MGAT4D: variants seen among roughly 807,000 people sequenced by gnomAD.
The protein encoded by MGAT4D is MGAT4 family member D.
In MGAT4D, 34 loss-of-function variants were observed where a neutral mutation model predicts 15.9. That is an observed-to-expected ratio of 2.14 (90% CI 1.62 to 2.84). The LOEUF is 2.84. Among genes scored for constraint, MGAT4D ranks in the 30% most tolerant of loss-of-function variants. The pLI is 0.00. For synonymous variants in MGAT4D, 112 were observed against 48.2 expected (o/e 2.33, Z -5.49); for missense variants, 327 against 140.2 (o/e 2.33, Z -6.73).
chr4:140,460,238 T>C (rs1011569448), intron 7 of MGAT4D, among the ~76,000 whole-genome samples: 1 of 152,246 alleles, frequency 6.6e-6, no homozygotes, highest in Non-Finnish European at 1.5e-5. Context: ...CCATTTGAGC[T>C]GTTATAACAA....
chr4:140,491,879 C>A (rs1380065809), intron 1 of MGAT4D, among the ~76,000 whole-genome samples: 1 of 151,908 alleles, frequency 6.6e-6, no homozygotes, highest in Non-Finnish European at 1.5e-5. Context: ...CACCCTAGTA[C>A]CACAAGGGAA....
In MGAT4D at chr4:140,451,461, GA is replaced by G; in HGVS notation, c.1064del (p.Phe355SerfsTer24). 1 of 631,766 alleles carries G rather than the reference GA, an allele frequency of 1.6e-6. No individual in the cohort carries two copies. The highest frequency in any genetic ancestry group is 2.9e-6 in the Non-Finnish European group (1 of 345,520). The allele number at this position is 631,766 out of a possible 1,614,324, so 39.1% of individuals were successfully genotyped here. On this transcript the variant is annotated frameshift_variant, in exon 10 of 11. Coordinates refer to ENST00000511113, the MANE Select transcript of MGAT4D (RefSeq NM_001277353.2). LOFTEE classifies it high-confidence loss of function. ...QIRIQYKPSL[F>X]QHVGIHSSFP... is the part of the protein sequence containing the mutation. Reference sequence around the variant, plus strand: ...ATGATGAATGTATACCCACATGCTGGAAAAGAGAAGGTTTATACTGAATACG... The same window carrying G: ...ATGATGAATGTATACCCACATGCTGGAAAGAGAAGGTTTATACTGAATACG...
chr4:140,457,014 A>G (rs569211626), intron 8 of MGAT4D: 3 of 166,010 alleles, frequency 1.8e-5, no homozygotes, highest in African/African-American at 4.7e-5. Context: ...AGACAAGTGA[A>G]TAGAATGAAA....
chr4:140,480,618 T>C (rs887570160), intron 2 of MGAT4D, among the ~76,000 whole-genome samples: 6 of 152,100 alleles, frequency 3.9e-5, no homozygotes, highest in Non-Finnish European at 5.9e-5. Context: ...CAGGATAATA[T>C]GTAGAACTCT....
At chr4:140,479,771 T>A (rs937767170) in intron 2 of MGAT4D, 144 bp from the exon 3 acceptor site, 1 of 294,052 alleles carries the variant, frequency 3.4e-6, no homozygotes, top group Non-Finnish European at 6.2e-6. Context: ...ATGTAAATTA[T>A]TAAAATAATA....
intron 10 of MGAT4D, among the ~76,000 whole-genome samples, chr4:140,445,706 T>C (rs1041459693): frequency 3.3e-5 from 5 of 152,232 alleles, no homozygotes; most frequent in Non-Finnish European, 7.3e-5. Flanking sequence ...GATTTTTGTA[T>C]ATGGTGTAAG....
intron 2 of MGAT4D, among the ~76,000 whole-genome samples, chr4:140,480,931 G>A (rs1317441214): frequency 6.6e-6 from 1 of 151,714 alleles, no homozygotes; most frequent in African/African-American, 2.4e-5. Flanking sequence ...TTTCACCAAA[G>A]AAGATATCTG....
At chr4:140,452,031 C>A (rs887740219) in intron 9 of MGAT4D, among the ~76,000 whole-genome samples, 2 of 150,774 alleles carry the variant, frequency 1.3e-5, no homozygotes, top group Non-Finnish European at 3.0e-5. Context: ...ACCTATGGCA[C>A]CACTCCTATT....
At chr4:140,473,176 T>A (rs1307469779) in intron 4 of MGAT4D, among the ~76,000 whole-genome samples, 1 of 152,108 alleles carries the variant, frequency 6.6e-6, no homozygotes, top group Admixed American at 6.5e-5. Context: ...CCTTCATTCC[T>A]ATTTAACATA....
Position 140,451,601 on chromosome 4 carries a change from T to A in MGAT4D, c.1009-84A>T, listed in dbSNP as rs1730478483. ...TTACTGATGGTAGAATTTTTATATA[T>A]TAGTTTTTGCTAGAGTTCTATTTTC... On this transcript the variant is annotated intron_variant, in intron 9 of 10. Transcript: ENST00000511113. 4 of 404,474 alleles carry A rather than the reference T, an allele frequency of 9.9e-6. No homozygotes were observed. The East Asian group carries it at 1.4e-4, about 15-fold the overall frequency. 25.1% of individuals were successfully genotyped at this position (404,474 alleles called of 1,614,324 possible).
At chr4:140,481,252 C>A (rs1486102014) in intron 2 of MGAT4D, among the ~76,000 whole-genome samples, 1 of 152,072 alleles carries the variant, frequency 6.6e-6, no homozygotes, top group Non-Finnish European at 1.5e-5. Flanking sequence ...CTGCAGTGAG[C>A]CAGATTGCAC....
rs549773749 is a variant in MGAT4D at position 140,494,109 on chromosome 4, A to G, written c.94+4020T>C. Among the ~76,000 whole-genome samples, 27 of 152,316 alleles carry G rather than the reference A, an allele frequency of 1.8e-4. 1 individual carries two copies. In the South Asian group the frequency reaches 3.3e-3, roughly 19 times the overall value. ...TGGAATTGGTTACCTGATGTACTTG[A>G]GCTTAAATGCAATGACAACCCACCA... On this transcript the variant is annotated intron_variant, in intron 1 of 10. Transcript: ENST00000511113.
intron 1 of MGAT4D, among the ~76,000 whole-genome samples, chr4:140,483,671 AG>A (rs2126834997): frequency 6.6e-6 from 1 of 152,322 alleles, no homozygotes; most frequent in African/African-American, 2.4e-5. Context: ...ACAGACACAT[AG>A]ACCAATGGAA....
chr4:140,456,354 A>G (rs1730798741), intron 9 of MGAT4D, among the ~76,000 whole-genome samples: 1 of 149,862 alleles, frequency 6.7e-6, no homozygotes, highest in African/African-American at 2.5e-5. Flanking sequence ...TACGTCTATC[A>G]TTTTTTTTTC....
At chr4:140,488,170 A>G (rs10519560) in intron 1 of MGAT4D, among the ~76,000 whole-genome samples, 24,426 of 152,142 alleles carry the variant, frequency 0.16, 2,306 homozygotes, top group East Asian at 0.41. Context: ...AAGATTATAA[A>G]TAGTTCCCTG....
chr4:140,451,394 C>A lies in MGAT4D; in HGVS notation c.1116+16G>T. On this transcript the variant is annotated intron_variant, in intron 10 of 10. Coordinates refer to ENST00000511113, the MANE Select transcript of MGAT4D (RefSeq NM_001277353.2). Reference sequence around the variant, plus strand: ...AAAACATTGTATGTTACTAAAGTTACATTTCAAAATCTTACTTTTTCATAT... The same window carrying A: ...AAAACATTGTATGTTACTAAAGTTAAATTTCAAAATCTTACTTTTTCATAT... 1 of 576,490 alleles carries A rather than the reference C, an allele frequency of 1.7e-6. No individual in the cohort carries two copies. Among genetic ancestry groups the A allele is most frequent in the Non-Finnish European group, 3.1e-6 (1 of 321,750 alleles). 35.7% of individuals were successfully genotyped at this position (576,490 alleles called of 1,614,324 possible). A position where few individuals can be genotyped will look rare whatever the true frequency, so the allele number is the denominator to read the frequency against.
At chr4:140,485,080 T>C (rs915695885) in intron 1 of MGAT4D, among the ~76,000 whole-genome samples, 2 of 152,236 alleles carry the variant, frequency 1.3e-5, no homozygotes, top group African/African-American at 2.4e-5. Flanking sequence ...TAAATCATGC[T>C]GCTATAAAGA....
At position 140,479,611 on chromosome 4, in the gene MGAT4D, G is replaced by T; in HGVS notation, c.270C>A (p.Asp90Glu). 2.1e-6 allele frequency: 1 copy of T among 485,248 alleles called. No homozygotes were observed. The highest frequency in any genetic ancestry group is 3.7e-5 in the South Asian group (1 of 26,770). The allele number at this position is 485,248 out of a possible 1,614,324, so 30.1% of individuals were successfully genotyped here. A position where few individuals can be genotyped will look rare whatever the true frequency, so the allele number is the denominator to read the frequency against. ...LSGNLVAQKA[D>E]ILNKNETVSN... ...ATACTGTTTCATTTTTATTTAATAT[G>T]TCTGCTTTCTGTGCAACTGAAAGAA... is the stretch of plus-strand genomic sequence containing the variant. The change falls in exon 3 of 11, where the codon GAC becomes GAA. Residue 90 changes from aspartate (D) to glutamate (E), a missense_variant. Asp to Glu is a conservative substitution (Grantham distance 45). Coordinates refer to ENST00000511113, the MANE Select transcript of MGAT4D (RefSeq NM_001277353.2).
intron 3 of MGAT4D, 31 bp downstream of exon 3, chr4:140,479,459 T>C (rs1732550809): frequency 2.2e-6 from 1 of 445,082 alleles, no homozygotes; most frequent in Non-Finnish European, 4.0e-6. Context: ...AAAATACCTT[T>C]ATTTAATTTT....
Sources: allele counts gnomAD v4.1 joint callset (sites outside exome capture counted in the v4.1 genomes callset), GRCh38; gene constraint gnomAD v4.1.1; transcripts MANE v1.5; gene names NCBI Gene and HGNC (gene_info 2026-07-23, HGNC 2026-07-21).